The following CCDC7 variants were observed in gnomAD, a reference collection of about 807,000 sequenced individuals.
The protein encoded by CCDC7 is coiled-coil domain containing 7.
A neutral mutation model predicts 196.9 loss-of-function variants in CCDC7; 183 were observed. That is an observed-to-expected ratio of 0.93 (90% CI 0.82 to 1.05). CCDC7 has a LOEUF of 1.05. Ranked by LOEUF, CCDC7 falls within the 50% of genes least tolerant of loss-of-function variation. The pLI is 0.00. For missense variants in CCDC7, 1,540 were observed against 1,482.2 expected (o/e 1.04, Z -0.64); for synonymous variants, 525 against 484.6 (o/e 1.08, Z -1.10).
downstream of CCDC7, among the ~76,000 whole-genome samples, chr10:32,881,473 T>G (rs1434400541): frequency 6.6e-6 from 1 of 152,196 alleles, no homozygotes; most frequent in Non-Finnish European, 1.5e-5. Context: ...TCATAACTTT[T>G]AACTGAGTGA....
chr10:32,605,902 A>G (rs556467521), intron 18 of CCDC7, among the ~76,000 whole-genome samples: 4 of 152,356 alleles, frequency 2.6e-5, no homozygotes, highest in South Asian at 2.1e-4. Flanking sequence ...ACCACTTGCT[A>G]GAGAGATTTG....
intron 32 of CCDC7, among the ~76,000 whole-genome samples, chr10:32,832,340 C>G (rs2092267657): frequency 6.6e-6 from 1 of 151,948 alleles, no homozygotes; most frequent in Non-Finnish European, 1.5e-5. Context: ...CCTGTCTCTA[C>G]TAAAATACAA....
At chr10:32,822,667 A>G (rs2090458373) in intron 31 of CCDC7, among the ~76,000 whole-genome samples, 1 of 152,308 alleles carries the variant, frequency 6.6e-6, no homozygotes, top group East Asian at 1.9e-4. Flanking sequence ...GTATCTCAGT[A>G]GAATGTAATT....
intron 28 of CCDC7, among the ~76,000 whole-genome samples, chr10:32,752,454 AATC>A (rs2075807640): frequency 6.6e-6 from 1 of 152,112 alleles, no homozygotes; most frequent in South Asian, 2.1e-4. Flanking sequence ...TGTAAATCTA[AATC>A]TCAAACCATC....
intron 30 of CCDC7, among the ~76,000 whole-genome samples, chr10:32,812,895 G>A (rs1190783458): frequency 3.3e-5 from 5 of 152,080 alleles, no homozygotes; most frequent in Non-Finnish European, 7.4e-5. Flanking sequence ...ATCTGCCGAT[G>A]TTTCCAGTTT....
Position 32,471,093 on chromosome 10 carries a change from A to G in CCDC7, c.540A>G (p.Ala180=), listed in dbSNP as rs770009672. The change falls in exon 6 of 42, where the codon GCA becomes GCG. Residue 180 remains alanine, a synonymous_variant. Coordinates refer to ENST00000639629, the Ensembl canonical transcript of CCDC7. ...GTAAAGATCAAACTCTTTTACAAGC[A>G]GAGCCTCCAAAACCTGACAAAACAG... is the stretch of plus-strand genomic sequence containing the variant. 4 of 1,608,618 alleles carry G rather than the reference A, an allele frequency of 2.5e-6. No homozygotes were observed. The African/African-American group carries it at 5.4e-5, about 22-fold the overall frequency.
At chr10:32,662,355 C>T (rs2140417861) in intron 20 of CCDC7, among the ~76,000 whole-genome samples, 1 of 152,238 alleles carries the variant, frequency 6.6e-6, no homozygotes, top group Middle Eastern at 3.4e-3. Context: ...TACTAAGGTG[C>T]TTTTTCCTGT....
intron 8 of CCDC7, among the ~76,000 whole-genome samples, chr10:32,482,735 G>A (rs1396541253): frequency 1.3e-5 from 2 of 151,926 alleles, no homozygotes; most frequent in Non-Finnish European, 2.9e-5. Flanking sequence ...ACCTATGAGT[G>A]AGGACATGCG....
chr10:32,655,041 A>G (rs77813931), intron 20 of CCDC7, among the ~76,000 whole-genome samples: 6,034 of 152,300 alleles, frequency 0.04, 127 homozygotes, highest in Middle Eastern at 0.051. Context: ...AGTCAGGTCA[A>G]ATAGATATAT....
chr10:32,788,016 C>G (rs1407641996), intron 29 of CCDC7, among the ~76,000 whole-genome samples: 2 of 152,214 alleles, frequency 1.3e-5, no homozygotes, highest in East Asian at 1.9e-4. Flanking sequence ...GCCTTCAGGC[C>G]CACCTCAGCA....
intron 8 of CCDC7, among the ~76,000 whole-genome samples, chr10:32,486,280 T>A (rs891101868): frequency 3.9e-4 from 59 of 152,064 alleles, no homozygotes; most frequent in African/African-American, 1.3e-3. Context: ...TTGATCTTTG[T>A]TGGTTTAAAG....
At chr10:32,638,110 A>T (rs935124905) in intron 20 of CCDC7, among the ~76,000 whole-genome samples, 35 of 152,146 alleles carry the variant, frequency 2.3e-4, no homozygotes, top group African/African-American at 8.0e-4. Flanking sequence ...AAGTTGCCTA[A>T]CAGCTTAAAG....
At chr10:32,668,707 C>T (rs533639171) in intron 21 of CCDC7, among the ~76,000 whole-genome samples, 1 of 152,196 alleles carries the variant, frequency 6.6e-6, no homozygotes, top group East Asian at 1.9e-4. Flanking sequence ...AGCCTTGCAT[C>T]CCAGGGATGA....
chr10:32,763,555 C>T (rs961870085), intron 28 of CCDC7, among the ~76,000 whole-genome samples: 1 of 151,862 alleles, frequency 6.6e-6, no homozygotes, highest in Non-Finnish European at 1.5e-5. Context: ...ACAGTACTCA[C>T]AATAACCAAG....
intron 13 of CCDC7, among the ~76,000 whole-genome samples, chr10:32,556,614 G>A (rs1334416143): frequency 1.3e-5 from 2 of 152,124 alleles, no homozygotes; most frequent in African/African-American, 2.4e-5. Context: ...CTATGTGTAT[G>A]TTTGTTCTGT....
chr10:32,861,115 CAAAAA>C (rs142801821), intron 41 of CCDC7, among the ~76,000 whole-genome samples: 1 of 97,128 alleles, frequency 1.0e-5, no homozygotes, highest in Non-Finnish European at 2.0e-5. Context: ...CAATCATAAG[CAAAAA>C]AAAAAAAAAA....
At chr10:32,756,703 A>C (rs1374435361) in intron 28 of CCDC7, among the ~76,000 whole-genome samples, 1 of 152,232 alleles carries the variant, frequency 6.6e-6, no homozygotes. Flanking sequence ...ATTAAAGAGC[A>C]AAGTAACCAG....
chr10:32,548,667 GT>G lies in CCDC7; in HGVS notation c.1134+4370del, dbSNP rs567453520. Among the ~76,000 whole-genome samples, 307 of 152,292 alleles carry G rather than the reference GT, an allele frequency of 2.0e-3. 2 individuals carry two copies. The highest frequency in any genetic ancestry group is 9.6e-4 in the Non-Finnish European group (65 of 68,020). ...CTACAGTGAGAACATCCGATGTTTG[GT>G]TTTCCATTCCTGAGTTACATCACTT... On this transcript the variant is annotated intron_variant, in intron 13 of 41. Transcript: ENST00000639629.
intron 8 of CCDC7, among the ~76,000 whole-genome samples, chr10:32,489,436 G>C (rs2041813669): frequency 6.6e-6 from 1 of 152,214 alleles, no homozygotes; most frequent in Non-Finnish European, 1.5e-5. Flanking sequence ...TGTGCAGTCA[G>C]AGTCTCAAAG....
Sources: gnomAD v4.1 joint callset for allele counts (sites outside exome capture counted in the v4.1 genomes callset) on GRCh38, gnomAD v4.1.1 for gene constraint, MANE v1.5 for transcripts, NCBI Gene and HGNC (gene_info 2026-07-23, HGNC 2026-07-21) for gene names.